TP53INP2: variants seen among roughly 807,000 people sequenced by gnomAD.
TP53INP2 encodes the protein tumor protein p53 inducible nuclear protein 2.
TP53INP2 carries 12 observed loss-of-function variants against 17.1 expected under a neutral mutation model. The ratio of observed to expected loss-of-function variants is 0.70; its 90% CI spans 0.45 to 1.14. TP53INP2 has a LOEUF of 1.14. Among genes scored for constraint, TP53INP2 ranks in the 50% most tolerant of loss-of-function variants. The pLI, the probability that TP53INP2 is intolerant of heterozygous loss-of-function variation, is 0.00. For synonymous variants in TP53INP2, 145 were observed against 147.3 expected (o/e 0.98, Z 0.12); for missense variants, 342 against 330.9 (o/e 1.03, Z -0.26).
chr20:34,707,572 A>G (rs1988030608), intron 2 of TP53INP2, among the ~76,000 whole-genome samples: 1 of 152,200 alleles, frequency 6.6e-6, no homozygotes, highest in Non-Finnish European at 1.5e-5. Context: ...GCAATAGAAT[A>G]TAGTGATTCT....
rs1165937815 is a variant in TP53INP2, at chr20:34,709,789, C to G, written c.413+265C>G. Among the ~76,000 whole-genome samples, 1 of 151,916 alleles carries G rather than the reference C, an allele frequency of 6.6e-6. No homozygotes were observed. On this transcript the variant is annotated intron_variant, in intron 4 of 4. Transcript: ENST00000374810. This position sits in a 1 kb window ranked among gnomAD's most constrained non-coding sequence, Gnocchi z 5.4. Reference sequence around the variant, plus strand: ...GGGCCGGGGTTGGAGGCTTGAGGAGCGTGGCTGGAGCGCCTAGGGAGTGGG... The same window carrying G: ...GGGCCGGGGTTGGAGGCTTGAGGAGGGTGGCTGGAGCGCCTAGGGAGTGGG...
intron 1 of TP53INP2, among the ~76,000 whole-genome samples, chr20:34,704,976 C>T (rs1475448304): frequency 1.3e-5 from 2 of 152,112 alleles, no homozygotes; most frequent in Non-Finnish European, 2.9e-5. Context: ...GGGACAGCAC[C>T]AGATGGTGGT....
Position 34,710,121 on chromosome 20 carries a change from G to C in TP53INP2, c.477G>C (p.Arg159=). ...AARHAAPLPA[R]AALLEKAGQV... is the part of the protein sequence containing the mutation. ...GCCACGCCGCTCCTCTCCCAGCGCG[G>C]GCGGCGCTGCTGGAGAAGGCGGGCC... The change falls in exon 5 of 5, where the codon CGG becomes CGC. Residue 159 remains arginine (R), a synonymous_variant. Transcript: ENST00000374810. This position sits in a 1 kb window ranked among gnomAD's most constrained non-coding sequence, Gnocchi z 4.9. 1 of 1,263,980 alleles carries C rather than the reference G, an allele frequency of 7.9e-7. No individual in the cohort carries two copies. The allele number at this position is 1,263,980 out of a possible 1,614,324, so 78.3% of individuals were successfully genotyped here.
chr20:34,704,568 C>T (rs1056985707), intron 1 of TP53INP2, 56 bp downstream of exon 1: 4 of 152,054 alleles, frequency 2.6e-5, no homozygotes, highest in Non-Finnish European at 5.9e-5. Flanking sequence ...ACGCCCTGCG[C>T]CCCCCGCGCC....
At position 34,710,365 on chromosome 20, in the gene TP53INP2, C is replaced by G. The variant is rs1655987842; in HGVS notation, c.*58C>G. 7.9e-7 allele frequency: 1 copy of G among 1,271,794 alleles called. No homozygotes were observed. The highest frequency in any genetic ancestry group is 3.9e-5 in the Admixed American group (1 of 25,856). 78.8% of individuals were successfully genotyped at this position (1,271,794 alleles called of 1,614,324 possible). ...GATCCCGATCCCTGTCGGGCTCCTCCGACTCCTCGGGCTGGACACCGAAAC... is the reference window on the plus strand; with the variant it reads ...GATCCCGATCCCTGTCGGGCTCCTCGGACTCCTCGGGCTGGACACCGAAAC... On this transcript the variant is annotated 3_prime_UTR_variant, in exon 5 of 5. Transcript: ENST00000374810. The surrounding 1 kb of genome is among the most constrained non-coding windows in gnomAD (Gnocchi z 4.9).
intron 2 of TP53INP2, among the ~76,000 whole-genome samples, chr20:34,707,016 G>T (rs1988018821): frequency 6.6e-6 from 1 of 152,114 alleles, no homozygotes; most frequent in Non-Finnish European, 1.5e-5. Flanking sequence ...GGTAGATCTA[G>T]AGCTACCACC....
chr20:34,706,355 T>C (rs1253183409), intron 2 of TP53INP2, among the ~76,000 whole-genome samples: 1 of 152,188 alleles, frequency 6.6e-6, no homozygotes, highest in African/African-American at 2.4e-5. Flanking sequence ...GATTTTAAAA[T>C]GGGCTGGGTG....
chr20:34,709,231 C>G lies in TP53INP2; in HGVS notation c.125-5C>G, dbSNP rs1461965588. 2.0e-5 allele frequency: 31 copies of G among 1,551,878 alleles called. No individual in the cohort carries two copies. The highest frequency in any genetic ancestry group is 2.3e-5 in the Non-Finnish European group (26 of 1,148,434). On this transcript the variant is annotated splice_polypyrimidine_tract_variant and splice_region_variant and intron_variant, in intron 3 of 4. Coordinates refer to ENST00000374810, the MANE Select transcript of TP53INP2 (RefSeq NM_021202.3). The surrounding 1 kb of genome is among the most constrained non-coding windows in gnomAD (Gnocchi z 5.4). ...TCTGCACGGCTCCCATCCCGCGCCC[C>G]GTAGACAGCTACGCGGCTCCACCCA...
rs1342706098 is a variant in TP53INP2 at position 34,709,565 on chromosome 20, G to A, written c.413+41G>A. On this transcript the variant is annotated intron_variant, in intron 4 of 4. Coordinates refer to ENST00000374810, the MANE Select transcript of TP53INP2 (RefSeq NM_021202.3). This position sits in a 1 kb window ranked among gnomAD's most constrained non-coding sequence, Gnocchi z 5.4. ...GCGGAGCCTGGAGGCCCAGGGAGAC[G>A]GATCTTGGAGGCCAGGGTCCAGGCT... The A allele has an allele frequency of 1.9e-6, 3 of 1,567,348 alleles. No individual in the cohort carries two copies. Among genetic ancestry groups the A allele is most frequent in the East Asian group, 4.6e-5 (2 of 43,746 alleles).
chr20:34,707,329 C>T (rs1310208944), intron 2 of TP53INP2, among the ~76,000 whole-genome samples: 2 of 152,152 alleles, frequency 1.3e-5, no homozygotes, highest in East Asian at 1.9e-4. Flanking sequence ...CAGACACAAC[C>T]GAGGTGTGCC....
At position 34,709,939 on chromosome 20, in the gene TP53INP2, G is replaced by C. The variant is rs1417837297; in HGVS notation, c.414-119G>C. On this transcript the variant is annotated intron_variant, in intron 4 of 4. Coordinates refer to ENST00000374810, the MANE Select transcript of TP53INP2 (RefSeq NM_021202.3). The surrounding 1 kb of genome is among the most constrained non-coding windows in gnomAD (Gnocchi z 5.4). Reference sequence around the variant, plus strand: ...GGTTGGTACCCACAAGAAGGGCGTCGGGCACCCCAATCTGAACAGACACAG... The same window carrying C: ...GGTTGGTACCCACAAGAAGGGCGTCCGGCACCCCAATCTGAACAGACACAG... The C allele has an allele frequency of 8.3e-7, 1 of 1,208,056 alleles. No homozygotes were observed. The highest frequency in any genetic ancestry group is 1.6e-5 in the African/African-American group (1 of 62,992). The allele number at this position is 1,208,056 out of a possible 1,614,324, so 74.8% of individuals were successfully genotyped here. A position where few individuals can be genotyped will look rare whatever the true frequency, so the allele number is the denominator to read the frequency against.
intron 2 of TP53INP2, among the ~76,000 whole-genome samples, chr20:34,706,146 C>T (rs1176362610): frequency 1.3e-5 from 2 of 152,032 alleles, no homozygotes; most frequent in East Asian, 1.9e-4. Flanking sequence ...TGTAGCTAGG[C>T]GAGGGGTGGT....
Position 34,710,057 on chromosome 20 carries a change from G to C in TP53INP2, c.414-1G>C. On this transcript the variant is annotated splice_acceptor_variant, in intron 4 of 4. Transcript: ENST00000374810. LOFTEE classifies it high-confidence loss of function. The surrounding 1 kb of genome is among the most constrained non-coding windows in gnomAD (Gnocchi z 4.9). ...GACCGAGCCTGGCTCTGTCCTCACA[G>C]GGAATTGACGCCCGCCCGCCGCGAG... 1 of 1,278,804 alleles carries C rather than the reference G, an allele frequency of 7.8e-7. No individual in the cohort carries two copies. The highest frequency in any genetic ancestry group is 9.8e-7 in the Non-Finnish European group (1 of 1,016,600). The allele number at this position is 1,278,804 out of a possible 1,614,324, so 79.2% of individuals were successfully genotyped here. A position where few individuals can be genotyped will look rare whatever the true frequency, so the allele number is the denominator to read the frequency against.
Position 34,712,699 on chromosome 20 carries a change from G to A in TP53INP2, c.*2392G>A, listed in dbSNP as rs1014125490. 1 of 152,564 alleles carries A rather than the reference G, an allele frequency of 6.6e-6. No homozygotes were observed. The highest frequency in any genetic ancestry group is 6.5e-5 in the Admixed American group (1 of 15,272). The allele number at this position is 152,564 out of a possible 1,614,324, so 9.5% of individuals were successfully genotyped here. A position where few individuals can be genotyped will look rare whatever the true frequency, so the allele number is the denominator to read the frequency against. On this transcript the variant is annotated 3_prime_UTR_variant, in exon 5 of 5. Coordinates refer to ENST00000374810, the MANE Select transcript of TP53INP2 (RefSeq NM_021202.3). ...AACTTGAATACATGAGGGAACCAGA[G>A]TTCAAAGTCCTATGCAACCTTAGGA...
intron 3 of TP53INP2, 63 bp downstream of exon 3, chr20:34,708,926 G>T (rs915004966): frequency 6.3e-7 from 1 of 1,575,996 alleles, no homozygotes; most frequent in Admixed American, 1.8e-5. Flanking sequence ...GCCTAGCAGC[G>T]GAGGGGAAGG....
chr20:34,708,670 T>C, intron 2 of TP53INP2, 21 bp from the exon 3 acceptor site: 1 of 1,490,870 alleles, frequency 6.7e-7, no homozygotes, highest in Non-Finnish European at 9.0e-7. Context: ...GTGGTGGCTC[T>C]CACGTCCTTC....
At position 34,709,950 on chromosome 20, in the gene TP53INP2, T is replaced by A; in HGVS notation, c.414-108T>A. The A allele has an allele frequency of 8.0e-7, 1 of 1,242,422 alleles. No individual in the cohort carries two copies. Among genetic ancestry groups the A allele is most frequent in the Non-Finnish European group, 1.0e-6 (1 of 971,810 alleles). 77.0% of individuals were successfully genotyped at this position (1,242,422 alleles called of 1,614,324 possible). On this transcript the variant is annotated intron_variant, in intron 4 of 4. Coordinates refer to ENST00000374810, the MANE Select transcript of TP53INP2 (RefSeq NM_021202.3). This position sits in a 1 kb window ranked among gnomAD's most constrained non-coding sequence, Gnocchi z 5.4. ...ACAAGAAGGGCGTCGGGCACCCCAA[T>A]CTGAACAGACACAGAACTGAGCCGA...
At chr20:34,705,745 G>C (rs1600691796) in intron 2 of TP53INP2, among the ~76,000 whole-genome samples, 1 of 152,294 alleles carries the variant, frequency 6.6e-6, no homozygotes, top group South Asian at 2.1e-4. Context: ...CTCCATTCCT[G>C]CTGGGAGTTT....
At chr20:34,705,634 G>T (rs979713712) in intron 2 of TP53INP2, among the ~76,000 whole-genome samples, 160 bp downstream of exon 2, 2 of 152,144 alleles carry the variant, frequency 1.3e-5, no homozygotes, top group African/African-American at 2.4e-5. Flanking sequence ...GTGTTTTGCT[G>T]CTCCCTCGTC....
Sources: gnomAD v4.1 joint callset for allele counts (sites outside exome capture counted in the v4.1 genomes callset) on GRCh38, gnomAD v4.1.1 for gene constraint, Gnocchi (gnomAD v3.1) non-coding constraint, MANE v1.5 for transcripts, NCBI Gene and HGNC (gene_info 2026-07-23, HGNC 2026-07-21) for gene names.